The following DAGLA variants were observed in gnomAD, a reference collection of about 807,000 sequenced individuals.
DAGLA encodes the protein diacylglycerol lipase-alpha.
DAGLA carries 22 observed loss-of-function variants against 102.6 expected under a neutral mutation model. That is an observed-to-expected ratio of 0.21 (90% CI 0.15 to 0.31). The LOEUF is 0.31. Among genes scored for constraint, DAGLA ranks in the 10% least tolerant of loss-of-function variants. The pLI is 1.00. For missense variants in DAGLA, 927 were observed against 1,446.6 expected (o/e 0.64, Z 5.83); for synonymous variants, 578 against 628.9 (o/e 0.92, Z 1.21).
In DAGLA at chr11:61,734,875, G is replaced by T; in HGVS notation, c.1001G>T (p.Arg334Leu). 1.2e-6 allele frequency: 2 copies of T among 1,613,878 alleles called. No homozygotes were observed. Among genetic ancestry groups the T allele is most frequent in the Non-Finnish European group, 1.7e-6 (2 of 1,179,808 alleles). The change falls in exon 10 of 20, where the codon CGG becomes CTG. Residue 334 changes from arginine to leucine, a missense_variant. Around this residue, in one of 4 missense-constraint regions of DAGLA, gnomAD observed 44 missense variants for 44.0 expected, o/e 1.00. Coordinates refer to ENST00000257215, the MANE Select transcript of DAGLA (RefSeq NM_006133.3). The surrounding 1 kb of genome is among the most constrained non-coding windows in gnomAD (Gnocchi z 4.2). ...CSCCLCPARP[R>L]FAPGVTIEED... Reference sequence around the variant, plus strand: ...TGTTGCCTGTGTCCTGCGAGGCCGCGGTTCGCCCCTGGAGTCACCATCGAG... The same window carrying T: ...TGTTGCCTGTGTCCTGCGAGGCCGCTGTTCGCCCCTGGAGTCACCATCGAG...
intron 16 of DAGLA, 34 bp from the exon 17 acceptor site, chr11:61,739,431 T>A (rs752286760): frequency 6.4e-6 from 10 of 1,569,186 alleles, no homozygotes; most frequent in East Asian, 4.7e-5. Flanking sequence ...GCTACTTAGC[T>A]CTGTCCCCAT....
At chr11:61,715,791 C>T (rs953188211) in intron 1 of DAGLA, among the ~76,000 whole-genome samples, 2 of 152,232 alleles carry the variant, frequency 1.3e-5, no homozygotes, top group Non-Finnish European at 2.9e-5. Context: ...GCAACAGCAG[C>T]CATCAGCAGA....
At chr11:61,724,201 A>G (rs1455773492) in intron 5 of DAGLA, among the ~76,000 whole-genome samples, 1 of 152,162 alleles carries the variant, frequency 6.6e-6, no homozygotes, top group Non-Finnish European at 1.5e-5. Context: ...GATGGGGGAA[A>G]GTGTGCCATG....
In DAGLA at chr11:61,680,460, A is replaced by T. The variant is rs982337801; in HGVS notation, c.-89A>T. On this transcript the variant is annotated 5_prime_UTR_variant, in exon 1 of 20. Transcript: ENST00000257215. Reference sequence around the variant, plus strand: ...CGGGGCCTTGGGGAGCCCAGGATGGAGGTGGCGGTCGCGGCGGCGGGCCGA... The same window carrying T: ...CGGGGCCTTGGGGAGCCCAGGATGGTGGTGGCGGTCGCGGCGGCGGGCCGA... 8 of 151,346 alleles carry T rather than the reference A, an allele frequency of 5.3e-5. No homozygotes were observed. The highest frequency in any genetic ancestry group is 1.2e-4 in the Non-Finnish European group (8 of 67,674). The allele number at this position is 151,346 out of a possible 1,614,324, so 9.4% of individuals were successfully genotyped here.
chr11:61,726,890 G>C (rs1484851754), intron 6 of DAGLA, among the ~76,000 whole-genome samples: 1 of 152,244 alleles, frequency 6.6e-6, no homozygotes, highest in African/African-American at 2.4e-5. Flanking sequence ...AAGCCCCCGA[G>C]GTTCCCTGGT....
intron 6 of DAGLA, among the ~76,000 whole-genome samples, chr11:61,726,622 C>T: frequency 6.6e-6 from 1 of 152,156 alleles, no homozygotes; most frequent in Non-Finnish European, 1.5e-5. Flanking sequence ...CCAGGGGTGC[C>T]CCGCAGCGGG....
chr11:61,728,034 AG>A (rs2065344346), intron 6 of DAGLA, 118 bp from the exon 7 acceptor site: 1 of 1,207,090 alleles, frequency 8.3e-7, no homozygotes. Flanking sequence ...GAACCTGTCC[AG>A]GGGACCCCGA....
chr11:61,726,204 C>A, intron 6 of DAGLA, 122 bp downstream of exon 6: 1 of 899,042 alleles, frequency 1.1e-6, no homozygotes, highest in Admixed American at 1.9e-5. Context: ...GGGTTTCCAG[C>A]GTGAGCAAGT....
chr11:61,723,759 A>G (rs59873441), intron 5 of DAGLA, among the ~76,000 whole-genome samples, 187 bp downstream of exon 5: 37 of 152,374 alleles, frequency 2.4e-4, no homozygotes, highest in African/African-American at 7.2e-4. Context: ...AGTGGGAATA[A>G]TAACAATTCT....
At chr11:61,740,675 G>T in intron 18 of DAGLA, 83 bp downstream of exon 18, 1 of 1,545,080 alleles carries the variant, frequency 6.5e-7, no homozygotes, top group Non-Finnish European at 8.8e-7. Flanking sequence ...TCAGATCACT[G>T]CCCGATTTTA....
Position 61,744,719 on chromosome 11 carries a change from G to A in DAGLA, c.*230G>A. ...CAGATGGGGAAAGATGGGGAAGGGT[G>A]TGGAGTGGGGAGGAGCCTGGGCAGC... On this transcript the variant is annotated 3_prime_UTR_variant, in exon 20 of 20. Coordinates refer to ENST00000257215, the MANE Select transcript of DAGLA (RefSeq NM_006133.3). 2.0e-6 allele frequency: 1 copy of A among 507,498 alleles called. No individual in the cohort carries two copies. Among genetic ancestry groups the A allele is most frequent in the East Asian group, 3.3e-5 (1 of 30,732 alleles). The allele number at this position is 507,498 out of a possible 1,614,324, so 31.4% of individuals were successfully genotyped here. A position where few individuals can be genotyped will look rare whatever the true frequency, so the allele number is the denominator to read the frequency against.
intron 8 of DAGLA, 145 bp downstream of exon 8, chr11:61,729,153 C>G (rs2065354834): frequency 2.8e-6 from 2 of 709,664 alleles, no homozygotes; most frequent in Admixed American, 2.2e-5. Flanking sequence ...CAGAGAGCCT[C>G]TCTGCTCAGA....
At chr11:61,717,145 G>A (rs1219515663) in intron 1 of DAGLA, among the ~76,000 whole-genome samples, 2 of 152,154 alleles carry the variant, frequency 1.3e-5, no homozygotes, top group African/African-American at 2.4e-5. Context: ...CTTTGTGGCA[G>A]CCCCAGACCA....
At chr11:61,720,302 G>A (rs1169569802) in intron 2 of DAGLA, 52 bp downstream of exon 2, 6 of 1,554,724 alleles carry the variant, frequency 3.9e-6, no homozygotes, top group South Asian at 3.3e-5. Flanking sequence ...GAAAGGTCTG[G>A]AAGGACGCTT....
Position 61,720,901 on chromosome 11 carries a change from C to T in DAGLA, c.307+11C>T, listed in dbSNP as rs1413227572. On this transcript the variant is annotated intron_variant, in intron 3 of 19. Coordinates refer to ENST00000257215, the MANE Select transcript of DAGLA (RefSeq NM_006133.3). The stretch of plus-strand genomic sequence containing the variant: ...TCTACGTGCGCCTGGGTAAGGGCCA[C>T]CCACCCTGGGGTGCTGCCCCAGACA... The T allele has an allele frequency of 1.2e-6, 2 of 1,608,706 alleles. No homozygotes were observed. Among genetic ancestry groups the T allele is most frequent in the Non-Finnish European group, 1.7e-6 (2 of 1,177,288 alleles).
At chr11:61,730,516 C>T (rs2065364568) in intron 8 of DAGLA, among the ~76,000 whole-genome samples, 1 of 152,158 alleles carries the variant, frequency 6.6e-6, no homozygotes, top group African/African-American at 2.4e-5. Flanking sequence ...GACTAACCAC[C>T]CTCCTTAACT....
At chr11:61,697,703 C>T (rs192428537) in intron 1 of DAGLA, among the ~76,000 whole-genome samples, 68 of 152,074 alleles carry the variant, frequency 4.5e-4, no homozygotes, top group South Asian at 1.2e-3. Flanking sequence ...ATTTTTTAGA[C>T]AGGGTCTTGC....
At chr11:61,735,030 T>C in intron 10 of DAGLA, 28 bp downstream of exon 10, 1 of 1,605,682 alleles carries the variant, frequency 6.2e-7, no homozygotes, top group Non-Finnish European at 8.5e-7. Context: ...TGGGGCCTGG[T>C]GTCAGGAGCA....
chr11:61,695,734 A>C (rs1417334564), intron 1 of DAGLA, among the ~76,000 whole-genome samples: 1 of 152,160 alleles, frequency 6.6e-6, no homozygotes, highest in East Asian at 1.9e-4. Flanking sequence ...TTCTGGCTTA[A>C]GTCTGCTCTC....
Sources: allele counts gnomAD v4.1 joint callset (sites outside exome capture counted in the v4.1 genomes callset), GRCh38; gene constraint gnomAD v4.1.1; regional missense constraint gnomAD v4.1.1; non-coding constraint Gnocchi (gnomAD v3.1); transcripts MANE v1.5; gene names NCBI Gene and HGNC (gene_info 2026-07-23, HGNC 2026-07-21).